The following FMN2 variants were observed in gnomAD, a reference collection of about 807,000 sequenced individuals.
The protein encoded by FMN2 is formin-2.
In FMN2, 51 loss-of-function variants were observed where a neutral mutation model predicts 142.3. The ratio of observed to expected loss-of-function variants is 0.36; its 90% confidence interval spans 0.29 to 0.45. The LOEUF (loss-of-function observed/expected upper bound fraction) is 0.45. Ranked by LOEUF, FMN2 falls within the 20% of genes least tolerant of loss-of-function variation. The pLI is 1.00. For missense variants in FMN2, 1,936 were observed against 2,122.8 expected (o/e 0.91, Z 1.73); for synonymous variants, 882 against 869.8 (o/e 1.01, Z -0.25).
intron 1 of FMN2, among the ~76,000 whole-genome samples, chr1:240,098,955 C>A (rs895717584): frequency 3.9e-5 from 6 of 152,178 alleles, no homozygotes; most frequent in African/African-American, 2.4e-5. Context: ...ATGAAGGTAG[C>A]AGTAGTTATT....
chr1:240,153,610 C>T (rs1480928157), intron 2 of FMN2, among the ~76,000 whole-genome samples: 1 of 151,972 alleles, frequency 6.6e-6, no homozygotes, highest in Non-Finnish European at 1.5e-5. Context: ...GTGATCCTCT[C>T]AGCTCGAATT....
At chr1:240,178,108 C>T (rs769269004) in intron 3 of FMN2, 40 bp downstream of exon 3, 4 of 1,491,912 alleles carry the variant, frequency 2.7e-6, no homozygotes, top group Non-Finnish European at 3.6e-6. Flanking sequence ...CTGGAAGAGG[C>T]AAGATAGAGA....
Position 240,474,431 on chromosome 1 carries a change from C to A in FMN2, c.*277C>A. On this transcript the variant is annotated 3_prime_UTR_variant, in exon 18 of 18. Coordinates refer to ENST00000319653, the MANE Select transcript of FMN2 (RefSeq NM_020066.5). ...AGACCAAAACAGCATGTGTAAGAGG[C>A]AGTATCTGCACTAATTCTCAACATG... The A allele has an allele frequency of 3.0e-6, 1 of 334,974 alleles. No homozygotes were observed. Among genetic ancestry groups the A allele is most frequent in the Non-Finnish European group, 5.4e-6 (1 of 186,220 alleles). 20.8% of individuals were successfully genotyped at this position (334,974 alleles called of 1,614,324 possible). A position where few individuals can be genotyped will look rare whatever the true frequency, so the allele number is the denominator to read the frequency against.
chr1:240,438,121 C>T lies in FMN2; in HGVS notation c.4971C>T (p.Ser1657=), dbSNP rs1195362294. 1 of 1,613,908 alleles carries T rather than the reference C, an allele frequency of 6.2e-7. No individual in the cohort carries two copies. Among genetic ancestry groups the T allele is most frequent in the Non-Finnish European group, 8.5e-7 (1 of 1,179,938 alleles). The change falls in exon 16 of 18, where the codon TCC becomes TCT. Residue 1657 remains serine, a synonymous_variant. Coordinates refer to ENST00000319653, the MANE Select transcript of FMN2 (RefSeq NM_020066.5). ...MKPKLGEKEV[S]PNAFFSIWHE... The stretch of plus-strand genomic sequence containing the variant: ...CAAAACTTGGAGAGAAGGAGGTGTC[C>T]CCAAATGCTTTCTTCAGTATCTGGC...
intron 2 of FMN2, among the ~76,000 whole-genome samples, chr1:240,168,961 C>T (rs1439982139): frequency 2.6e-5 from 4 of 151,974 alleles, no homozygotes; most frequent in African/African-American, 9.7e-5. Context: ...GCCTGTAATC[C>T]CAACACTTTG....
intron 2 of FMN2, among the ~76,000 whole-genome samples, chr1:240,168,239 T>A (rs778738904): frequency 3.9e-4 from 60 of 152,274 alleles, no homozygotes; most frequent in Non-Finnish European, 6.3e-4. Flanking sequence ...TCAGTAGATC[T>A]ACCTTTTATC....
At chr1:240,285,689 C>T (rs940679813) in intron 7 of FMN2, among the ~76,000 whole-genome samples, 2 of 151,972 alleles carry the variant, frequency 1.3e-5, no homozygotes, top group Non-Finnish European at 2.9e-5. Flanking sequence ...GCACGTGTAT[C>T]GGAAGGAATT....
At chr1:240,190,642 A>G (rs1042405646) in intron 4 of FMN2, among the ~76,000 whole-genome samples, 10 of 152,214 alleles carry the variant, frequency 6.6e-5, no homozygotes, top group African/African-American at 2.4e-4. Context: ...TAGGCTCGCT[A>G]TTTGAGTACA....
chr1:240,253,204 C>T (rs1354235253), intron 6 of FMN2, among the ~76,000 whole-genome samples: 1 of 151,882 alleles, frequency 6.6e-6, no homozygotes, highest in Non-Finnish European at 1.5e-5. Flanking sequence ...CTCCTGACCT[C>T]ATTATCTGCC....
chr1:240,458,982 C>G (rs993019425), intron 16 of FMN2: 1 of 152,092 alleles, frequency 6.6e-6, no homozygotes, highest in Non-Finnish European at 1.5e-5. Context: ...TTAAAATCAT[C>G]TCTACTACAA....
At chr1:240,265,920 T>TG (rs926583444) in intron 7 of FMN2, among the ~76,000 whole-genome samples, 9 of 151,284 alleles carry the variant, frequency 5.9e-5, no homozygotes, top group East Asian at 3.9e-4. Context: ...GGGGTTTGTT[T>TG]TTTTTTTTTT....
intron 14 of FMN2, among the ~76,000 whole-genome samples, chr1:240,376,953 T>A (rs1013781352): frequency 3.7e-4 from 57 of 152,326 alleles, no homozygotes; most frequent in South Asian, 2.1e-4. Context: ...CAGTATACTG[T>A]CATTCTCCCT....
chr1:240,419,892 G>GCA (rs1674707920), intron 15 of FMN2, among the ~76,000 whole-genome samples: 1 of 152,030 alleles, frequency 6.6e-6, no homozygotes. Context: ...CCTTTTCTGT[G>GCA]GTCATAGAGG....
intron 7 of FMN2, among the ~76,000 whole-genome samples, chr1:240,259,559 T>C (rs1289991971): frequency 1.3e-5 from 2 of 149,340 alleles, no homozygotes; most frequent in Non-Finnish European, 3.0e-5. Context: ...CTCCTGCAGG[T>C]AAAGTCCTAT....
chr1:240,144,473 C>T, intron 2 of FMN2: 1 of 1,558,200 alleles, frequency 6.4e-7, no homozygotes, highest in Non-Finnish European at 8.9e-7. Flanking sequence ...CAGGAACACC[C>T]CATGCCAGCC....
intron 11 of FMN2, among the ~76,000 whole-genome samples, chr1:240,331,464 TAA>T (rs201297876): frequency 3.9e-5 from 6 of 152,108 alleles, no homozygotes; most frequent in African/African-American, 1.4e-4. Flanking sequence ...ATTTCTCTGA[TAA>T]AAAAATCATC....
chr1:240,329,812 A>G (rs1432728620), intron 10 of FMN2, among the ~76,000 whole-genome samples: 1 of 136,630 alleles, frequency 7.3e-6, no homozygotes, highest in Admixed American at 7.5e-5. Flanking sequence ...TTTTTTTTTT[A>G]CTTTCTTTCG....
Position 240,327,777 on chromosome 1 carries a change from A to G in FMN2, c.4216-1299A>G, listed in dbSNP as rs551398784. Among the ~76,000 whole-genome samples, 31 of 152,294 alleles carry G rather than the reference A, an allele frequency of 2.0e-4. 1 individual carries two copies. The Middle Eastern group carries it at 0.014, about 67-fold the overall frequency. ...TAAGGAAACACATTTAGAATGACAA[A>G]TTTTTAGTTTGCGATTATAAAGGGT... On this transcript the variant is annotated intron_variant, in intron 8 of 17. Coordinates refer to ENST00000319653, the MANE Select transcript of FMN2 (RefSeq NM_020066.5).
At chr1:240,361,625 TCAC>T (rs1171281191) in intron 14 of FMN2, among the ~76,000 whole-genome samples, 1 of 152,160 alleles carries the variant, frequency 6.6e-6, no homozygotes, top group Non-Finnish European at 1.5e-5. Context: ...GGGGTACTAA[TCAC>T]TGAGATAGAG....
Sources: allele counts gnomAD v4.1 joint callset (sites outside exome capture counted in the v4.1 genomes callset), GRCh38; gene constraint gnomAD v4.1.1; transcripts MANE v1.5; gene names NCBI Gene and HGNC (gene_info 2026-07-23, HGNC 2026-07-21).